The following FLVCR2 variants were observed in gnomAD, a reference collection of about 807,000 sequenced individuals.
FLVCR2 encodes the protein FLVCR choline and putative heme transporter 2.
A neutral mutation model predicts 48.9 loss-of-function variants in FLVCR2; 38 were observed. The ratio of observed to expected loss-of-function variants is 0.78; its 90% confidence interval spans 0.60 to 1.02. The LOEUF is 1.02. Among genes scored for constraint, FLVCR2 ranks in the 50% least tolerant of loss-of-function variants. The pLI, the probability that FLVCR2 is intolerant of heterozygous loss-of-function variation, is 0.00. For synonymous variants in FLVCR2, 255 were observed against 257.0 expected (o/e 0.99, Z 0.07); for missense variants, 664 against 663.3 (o/e 1.00, Z -0.01).
intron 1 of FLVCR2, chr14:75,605,312 C>A: frequency 1.9e-6 from 1 of 533,972 alleles, no homozygotes; most frequent in Non-Finnish European, 3.1e-6. Flanking sequence ...CTTTCTTGAC[C>A]TCCTGACTTC....
chr14:75,646,122 A>T (rs894810257), intron 9 of FLVCR2, among the ~76,000 whole-genome samples: 5 of 151,880 alleles, frequency 3.3e-5, no homozygotes, highest in Admixed American at 6.6e-5. Context: ...AAAGAGTGGC[A>T]CTCGGAGCTG....
chr14:75,645,442 C>T (rs889058879), intron 9 of FLVCR2, among the ~76,000 whole-genome samples: 7 of 152,166 alleles, frequency 4.6e-5, no homozygotes, highest in Non-Finnish European at 8.8e-5. Flanking sequence ...GCAGTATGTA[C>T]CTAGGGGCCC....
Position 75,589,754 on chromosome 14 carries a change from C to T in FLVCR2, c.669+10113C>T, listed in dbSNP as rs377153775. ...GGCACCATAGCTCTTGCATTATATG[C>T]GCCTGCAGATTAGCATCATGTGGAT... On this transcript the variant is annotated intron_variant, in intron 1 of 9. Coordinates refer to ENST00000238667, the MANE Select transcript of FLVCR2 (RefSeq NM_017791.3). 9.1e-4 allele frequency among the ~76,000 whole-genome samples: 139 copies of T among 152,306 alleles called. 2 individuals carry two copies. The South Asian group carries it at 0.022, about 24-fold the overall frequency.
At position 75,646,472 on chromosome 14, in the gene FLVCR2, A is replaced by C. The variant is rs1566799795; in HGVS notation, c.1581A>C (p.Ter527CysextTer53). ...VPTAVSEDHL[*>C] ...CTGCTGTGTCAGAGGATCATCTCTG[A>C]GAGGAAGGTGGTGACAACTCAGGGA... The change falls in exon 10 of 10, where the codon TGA (stop) becomes TGC (cysteine). Residue 527 changes from the stop codon to cysteine (C), a stop_lost. Transcript: ENST00000238667. The C allele has an allele frequency of 6.2e-7, 1 of 1,610,962 alleles. No homozygotes were observed. The highest frequency in any genetic ancestry group is 8.5e-7 in the Non-Finnish European group (1 of 1,177,104).
At chr14:75,639,283 G>T in intron 5 of FLVCR2, 69 bp from the exon 6 acceptor site, 1 of 955,296 alleles carries the variant, frequency 1.0e-6, no homozygotes, top group East Asian at 2.4e-5. Context: ...GATGCTTGTG[G>T]AATAAATGAA....
In FLVCR2 at chr14:75,633,630, TCTGAATG is replaced by T. The variant is rs1238366498; in HGVS notation, c.958_964del (p.Asn320ValfsTer10). 2.5e-6 allele frequency: 4 copies of T among 1,613,656 alleles called. No homozygotes were observed. Among genetic ancestry groups the T allele is most frequent in the African/African-American group, 1.3e-5 (1 of 74,908 alleles). ...TGTATTTCTCGCTCCCTTCTTCAGGTCTGAATGCTGGTGCTTTTTATGCCTTGTCCAC... is the reference window on the plus strand; with the variant it reads ...TGTATTTCTCGCTCCCTTCTTCAGGTCTGGTGCTTTTTATGCCTTGTCCAC... On this transcript the variant is annotated frameshift_variant and splice_region_variant, in exon 4 of 10. Coordinates refer to ENST00000238667, the MANE Select transcript of FLVCR2 (RefSeq NM_017791.3). LOFTEE classifies it high-confidence loss of function.
chr14:75,586,762 C>T (rs1297731890), intron 1 of FLVCR2, among the ~76,000 whole-genome samples: 3 of 152,068 alleles, frequency 2.0e-5, no homozygotes, highest in African/African-American at 7.2e-5. Flanking sequence ...GGAGCATTAC[C>T]TTCTGCTTGC....
At chr14:75,625,715 G>A (rs1889885230) in intron 3 of FLVCR2, among the ~76,000 whole-genome samples, 1 of 152,002 alleles carries the variant, frequency 6.6e-6, no homozygotes, top group Non-Finnish European at 1.5e-5. Context: ...TGAAACCCCA[G>A]TTGGCCATGG....
rs1890446939 is a variant in FLVCR2 at position 75,647,499 on chromosome 14, A to G, written c.*1027A>G. ...GGGTAGAAGGAAAGGTGCCCCTTGA[A>G]ATGGGAATTGAGCCTGTTAGAATTA... On this transcript the variant is annotated 3_prime_UTR_variant, in exon 10 of 10. Transcript: ENST00000238667. 6.6e-6 allele frequency: 1 copy of G among 152,582 alleles called. No homozygotes were observed. The highest frequency in any genetic ancestry group is 1.5e-5 in the Non-Finnish European group (1 of 68,046). The allele number at this position is 152,582 out of a possible 1,614,324, so 9.5% of individuals were successfully genotyped here. A position where few individuals can be genotyped will look rare whatever the true frequency, so the allele number is the denominator to read the frequency against.
chr14:75,632,542 T>C, intron 3 of FLVCR2: 1 of 683,908 alleles, frequency 1.5e-6, no homozygotes, highest in Non-Finnish European at 2.7e-6. Flanking sequence ...CATACCCACC[T>C]TCCCTTGCAC....
In FLVCR2 at chr14:75,647,324, T is replaced by C. The variant is rs1890443427; in HGVS notation, c.*852T>C. The stretch of plus-strand genomic sequence containing the variant: ...ACCTCTGATGCCTTTATCTTGATGT[T>C]GCATTGGGAATCTCAGCCATCAGCC... On this transcript the variant is annotated 3_prime_UTR_variant, in exon 10 of 10. Coordinates refer to ENST00000238667, the MANE Select transcript of FLVCR2 (RefSeq NM_017791.3). 1 of 152,244 alleles carries C rather than the reference T, an allele frequency of 6.6e-6. No homozygotes were observed. The highest frequency in any genetic ancestry group is 2.4e-5 in the African/African-American group (1 of 41,462). The allele number at this position is 152,244 out of a possible 1,614,324, so 9.4% of individuals were successfully genotyped here.
At chr14:75,590,618 C>T (rs187930625) in intron 1 of FLVCR2, among the ~76,000 whole-genome samples, 109 of 152,290 alleles carry the variant, frequency 7.2e-4, no homozygotes, top group Non-Finnish European at 1.3e-3. Flanking sequence ...CACTGTCTCC[C>T]TGATGCTATT....
At chr14:75,597,952 T>C (rs1466697165) in intron 1 of FLVCR2, among the ~76,000 whole-genome samples, 1 of 152,096 alleles carries the variant, frequency 6.6e-6, no homozygotes, top group Non-Finnish European at 1.5e-5. Flanking sequence ...AAGAGCAGCA[T>C]GCATGGGAAA....
intron 1 of FLVCR2, among the ~76,000 whole-genome samples, chr14:75,591,007 T>C (rs1378157623): frequency 6.6e-6 from 1 of 152,182 alleles, no homozygotes; most frequent in Non-Finnish European, 1.5e-5. Context: ...CTAAAACAAG[T>C]TGTTTACTTC....
intron 8 of FLVCR2, 58 bp from the exon 9 acceptor site, chr14:75,641,785 C>T (rs368845141): frequency 2.1e-5 from 31 of 1,459,778 alleles, no homozygotes; most frequent in African/African-American, 5.6e-5. Context: ...TTTCTTCTCT[C>T]GGATGAACGT....
rs890899896 is a variant in FLVCR2 at position 75,578,813 on chromosome 14, A to G, written c.-160A>G. The G allele has an allele frequency of 2.1e-5, 15 of 699,742 alleles. No homozygotes were observed. The highest frequency in any genetic ancestry group is 3.5e-5 in the Non-Finnish European group (14 of 401,804). 43.3% of individuals were successfully genotyped at this position (699,742 alleles called of 1,614,324 possible). A position where few individuals can be genotyped will look rare whatever the true frequency, so the allele number is the denominator to read the frequency against. The stretch of plus-strand genomic sequence containing the variant: ...TGGGAGCAGGAGCTTGGAGGTGAGC[A>G]CAGGAAGCCCCACTTGAGGCTTTTA... On this transcript the variant is annotated 5_prime_UTR_variant, in exon 1 of 10. Coordinates refer to ENST00000238667, the MANE Select transcript of FLVCR2 (RefSeq NM_017791.3).
At chr14:75,600,055 C>G (rs868529780) in intron 1 of FLVCR2, among the ~76,000 whole-genome samples, 1 of 152,128 alleles carries the variant, frequency 6.6e-6, no homozygotes, top group Non-Finnish European at 1.5e-5. Flanking sequence ...GAGGTTGGCA[C>G]AAGGTACAGG....
intron 3 of FLVCR2, among the ~76,000 whole-genome samples, chr14:75,625,499 C>T (rs1347246698): frequency 6.6e-6 from 1 of 151,950 alleles, no homozygotes; most frequent in East Asian, 1.9e-4. Context: ...TAAAGAGTGT[C>T]CTCCAGATGA....
At chr14:75,598,039 C>G (rs1427945591) in intron 1 of FLVCR2, among the ~76,000 whole-genome samples, 1 of 151,226 alleles carries the variant, frequency 6.6e-6, no homozygotes, top group African/African-American at 2.4e-5. Context: ...GAGATGAGGT[C>G]TCGCTTTGTT....
Sources: gnomAD v4.1 joint callset for allele counts (sites outside exome capture counted in the v4.1 genomes callset) on GRCh38, gnomAD v4.1.1 for gene constraint, MANE v1.5 for transcripts, NCBI Gene and HGNC (gene_info 2026-07-23, HGNC 2026-07-21) for gene names.